The following DLC1 variants were observed in gnomAD, a reference collection of about 807,000 sequenced individuals.
DLC1 encodes the protein rho GTPase-activating protein 7.
DLC1 carries 54 observed loss-of-function variants against 140.3 expected under a neutral mutation model. The observed-to-expected ratio is 0.38, with a 90% CI of 0.31 to 0.48. The LOEUF (loss-of-function observed/expected upper bound fraction) is 0.48. DLC1 is among the 20% of genes least tolerant of loss of function. The pLI is 0.96. For missense variants in DLC1, 2,536 were observed against 1,907.0 expected, an observed-to-expected ratio of 1.33 and a Z score of -6.14; for synonymous variants, 986 against 728.1, an observed-to-expected ratio of 1.35 and a Z score of -5.70.
chr8:13,519,671 C>G (rs17094453), upstream of DLC1, among the ~76,000 whole-genome samples: 9,392 of 152,118 alleles, frequency 0.062, 820 homozygotes, highest in East Asian at 0.39. Context: ...CTCTCCAAAA[C>G]CATTGATTCC....
At chr8:13,111,948 C>T (rs1320124096) in intron 6 of DLC1, among the ~76,000 whole-genome samples, 1 of 151,928 alleles carries the variant, frequency 6.6e-6, no homozygotes, top group Non-Finnish European at 1.5e-5. Flanking sequence ...GAGTTTGAGA[C>T]CAGCCTGAGC....
At chr8:13,471,367 G>A (rs1490076910) in intron 2 of DLC1, among the ~76,000 whole-genome samples, 2 of 151,914 alleles carry the variant, frequency 1.3e-5, no homozygotes, top group East Asian at 3.9e-4. Flanking sequence ...TAATTAGATT[G>A]ATTGTGGCCA....
chr8:13,449,671 G>A (rs1798952332), intron 2 of DLC1, among the ~76,000 whole-genome samples: 1 of 151,840 alleles, frequency 6.6e-6, no homozygotes. Flanking sequence ...GGCCTGTTGT[G>A]GGGTGGGGGG....
chr8:13,119,287 C>T (rs191815802), intron 5 of DLC1, among the ~76,000 whole-genome samples: 1 of 151,504 alleles, frequency 6.6e-6, no homozygotes, highest in Non-Finnish European at 1.5e-5. Context: ...AGGCTCTCCA[C>T]TTGGCATCCA....
chr8:13,330,182 C>T (rs1833528721), intron 4 of DLC1, among the ~76,000 whole-genome samples: 1 of 152,062 alleles, frequency 6.6e-6, no homozygotes, highest in African/African-American at 2.4e-5. Flanking sequence ...CCAGGATGGT[C>T]TTCAACTGAT....
At chr8:13,267,236 G>T (rs1830724489) in intron 5 of DLC1, among the ~76,000 whole-genome samples, 1 of 151,882 alleles carries the variant, frequency 6.6e-6, no homozygotes, top group African/African-American at 2.4e-5. Flanking sequence ...ACCTGAAATG[G>T]GCTTCATTTT....
intron 16 of DLC1, among the ~76,000 whole-genome samples, chr8:13,087,204 C>T (rs962404637): frequency 6.6e-6 from 1 of 152,144 alleles, no homozygotes; most frequent in African/African-American, 2.4e-5. Flanking sequence ...AGTTTTGAGA[C>T]CAGCCTGGAC....
At chr8:13,566,872 A>G in intron 1 of DLC1, 1 of 1,297,940 alleles carries the variant, frequency 7.7e-7, no homozygotes, top group Non-Finnish European at 1.0e-6. Context: ...CTCCCGGAAG[A>G]CGACCTCCGC....
intron 5 of DLC1, among the ~76,000 whole-genome samples, chr8:13,236,886 G>C (rs1036115209): frequency 3.9e-5 from 6 of 152,064 alleles, no homozygotes; most frequent in Admixed American, 2.6e-4. Context: ...TGGCTTCCAG[G>C]AATCTGGAGG....
intron 1 of DLC1, among the ~76,000 whole-genome samples, chr8:13,528,969 G>C (rs942645316): frequency 6.6e-6 from 1 of 152,096 alleles, no homozygotes; most frequent in African/African-American, 2.4e-5. Context: ...CTTGAACACT[G>C]TCCTTAGCTT....
At chr8:13,456,037 T>C (rs1036646235) in intron 2 of DLC1, among the ~76,000 whole-genome samples, 3 of 152,236 alleles carry the variant, frequency 2.0e-5, no homozygotes, top group African/African-American at 7.2e-5. Flanking sequence ...CCAAAGAGTG[T>C]TCTAAAGAAT....
chr8:13,389,227 C>G (rs781297216), intron 4 of DLC1, among the ~76,000 whole-genome samples: 2 of 152,042 alleles, frequency 1.3e-5, no homozygotes, highest in Admixed American at 6.6e-5. Flanking sequence ...AGTAAATTAT[C>G]TTTAGGAAAA....
At chr8:13,330,628 T>C (rs894182564) in intron 4 of DLC1, among the ~76,000 whole-genome samples, 5 of 152,176 alleles carry the variant, frequency 3.3e-5, no homozygotes, top group Non-Finnish European at 7.3e-5. Context: ...CTTCCTATCA[T>C]GAAGCTGTGG....
chr8:13,512,867 G>T (rs1418293822), intron 1 of DLC1, among the ~76,000 whole-genome samples: 3 of 151,314 alleles, frequency 2.0e-5, no homozygotes, highest in Non-Finnish European at 4.4e-5. Flanking sequence ...CATAAAGCAA[G>T]TTACTACTGT....
chr8:13,166,586 G>T (rs1825121766), intron 5 of DLC1, among the ~76,000 whole-genome samples: 1 of 152,164 alleles, frequency 6.6e-6, no homozygotes, highest in Non-Finnish European at 1.5e-5. Flanking sequence ...ACCCGCTGTG[G>T]CCTCCCAAAG....
At chr8:13,511,628 C>G (rs1473189688) in intron 1 of DLC1, among the ~76,000 whole-genome samples, 1 of 152,146 alleles carries the variant, frequency 6.6e-6, no homozygotes, top group Admixed American at 6.5e-5. Context: ...AGGGGCTTAT[C>G]TTTCGTGTGG....
At chr8:13,092,538 A>G in intron 13 of DLC1, 74 bp downstream of exon 13, 4 of 1,514,220 alleles carry the variant, frequency 2.6e-6, no homozygotes, top group East Asian at 4.8e-5. Context: ...GTCCCACAAA[A>G]CCACAGCTAC....
Position 13,513,879 on chromosome 8 carries a change from C to T in DLC1, c.-126+723G>A, listed in dbSNP as rs1332527513. 2.6e-5 allele frequency among the ~76,000 whole-genome samples: 4 copies of T among 152,202 alleles called. No individual in the cohort carries two copies. The South Asian group carries it at 8.3e-4, about 32-fold the overall frequency. ...TGAGTGTCAGTGTCATTGAGATTGACTTCAGTTATTCAAAATATTACACAA... is the reference window on the plus strand; with the variant it reads ...TGAGTGTCAGTGTCATTGAGATTGATTTCAGTTATTCAAAATATTACACAA... On this transcript the variant is annotated intron_variant, in intron 1 of 17. Transcript: ENST00000276297.
chr8:13,205,875 TTC>T (rs1205645110), intron 5 of DLC1, among the ~76,000 whole-genome samples: 1 of 152,176 alleles, frequency 6.6e-6, no homozygotes, highest in East Asian at 1.9e-4. Context: ...CCATTGACAT[TTC>T]TCTGAGTCCT....
Sources: allele counts gnomAD v4.1 joint callset (sites outside exome capture counted in the v4.1 genomes callset), GRCh38; gene constraint gnomAD v4.1.1; transcripts MANE v1.5; gene names NCBI Gene and HGNC (gene_info 2026-07-23, HGNC 2026-07-21).